Variants in ZMYM4 observed in about 807,000 individuals in gnomAD.
ZMYM4 encodes the protein zinc finger MYM-type protein 4.
ZMYM4 carries 31 observed loss-of-function variants against 183.2 expected under a neutral mutation model. The observed-to-expected ratio is 0.17, with a 90% CI of 0.13 to 0.23. The LOEUF (loss-of-function observed/expected upper bound fraction) is 0.23. Ranked by LOEUF, ZMYM4 falls within the 10% of genes least tolerant of loss-of-function variation. The probability of loss-of-function intolerance (pLI) is 1.00; values close to 1 mark genes in which losing one functional copy is unlikely to be tolerated. For missense variants in ZMYM4, 1,273 were observed against 1,840.3 expected (o/e 0.69, Z 5.64); for synonymous variants, 592 against 631.2 (o/e 0.94, Z 0.93).
chr1:35,368,282 G>T (rs1455775553), intron 5 of ZMYM4, among the ~76,000 whole-genome samples: 1 of 152,058 alleles, frequency 6.6e-6, no homozygotes, highest in Non-Finnish European at 1.5e-5. Context: ...TGGAGTAAAT[G>T]AATGTATTAT....
chr1:35,368,430 C>T (rs1470352777), intron 5 of ZMYM4, among the ~76,000 whole-genome samples: 3 of 151,984 alleles, frequency 2.0e-5, no homozygotes, highest in Admixed American at 6.6e-5. Context: ...TTTAACTTAA[C>T]GTACATATTG....
chr1:35,395,179 G>A (rs1316208110), intron 18 of ZMYM4, among the ~76,000 whole-genome samples: 2 of 150,254 alleles, frequency 1.3e-5, no homozygotes, highest in African/African-American at 5.0e-5. Flanking sequence ...AAAATAGCAA[G>A]GCTCTAAATG....
At chr1:35,285,607 A>G in intron 1 of ZMYM4, among the ~76,000 whole-genome samples, 1 of 152,250 alleles carries the variant, frequency 6.6e-6, no homozygotes, top group Non-Finnish European at 1.5e-5. Flanking sequence ...AAAATAGAGT[A>G]TAACAACTGT....
At chr1:35,379,379 G>A (rs1256768132) in intron 7 of ZMYM4, among the ~76,000 whole-genome samples, 6 of 152,188 alleles carry the variant, frequency 3.9e-5, no homozygotes, top group East Asian at 1.9e-4. Flanking sequence ...GATTACAAGC[G>A]TGAGCCACTG....
intron 1 of ZMYM4, among the ~76,000 whole-genome samples, chr1:35,305,128 G>A (rs1641475644): frequency 6.6e-6 from 1 of 152,222 alleles, no homozygotes; most frequent in Admixed American, 6.5e-5. Context: ...ACAGGCGTGA[G>A]CGACTGCGCC....
intron 15 of ZMYM4, among the ~76,000 whole-genome samples, chr1:35,391,656 TGTTGGTTTTTAA>T (rs982173405): frequency 4.6e-5 from 7 of 152,332 alleles, no homozygotes; most frequent in African/African-American, 9.6e-5. Context: ...GGATTTGCAT[TGTTGGTTTTTAA>T]GTTGGTTTTT....
intron 5 of ZMYM4, chr1:35,366,036 G>A (rs972463112): frequency 2.6e-5 from 4 of 152,278 alleles, no homozygotes; most frequent in Non-Finnish European, 2.9e-5. Context: ...ACTGCAGACC[G>A]TTAATGTATG....
At chr1:35,307,347 C>T (rs1217200266) in intron 1 of ZMYM4, among the ~76,000 whole-genome samples, 3 of 151,966 alleles carry the variant, frequency 2.0e-5, no homozygotes, top group African/African-American at 7.3e-5. Flanking sequence ...GGTATGAATG[C>T]AGTGCAAAAA....
chr1:35,337,435 A>C (rs1643021510), intron 2 of ZMYM4, among the ~76,000 whole-genome samples: 1 of 152,110 alleles, frequency 6.6e-6, no homozygotes. Flanking sequence ...TCTATTGCAA[A>C]TTTATCCTTT....
At position 35,381,828 on chromosome 1, in the gene ZMYM4, T is replaced by G. The variant is rs550305373; in HGVS notation, c.1569+70T>G. The G allele has an allele frequency of 2.6e-6, 4 of 1,556,512 alleles. No homozygotes were observed. The African/African-American group carries it at 4.1e-5, about 16-fold the overall frequency. ...AATCTGTATTTTTAGTCAGAATTATTTATGAAAATGTTGTTTTGCAATATT... is the reference window on the plus strand; with the variant it reads ...AATCTGTATTTTTAGTCAGAATTATGTATGAAAATGTTGTTTTGCAATATT... On this transcript the variant is annotated intron_variant, in intron 9 of 29. Coordinates refer to ENST00000314607, the MANE Select transcript of ZMYM4 (RefSeq NM_005095.3).
At chr1:35,271,238 A>T (rs758738491) in intron 1 of ZMYM4, among the ~76,000 whole-genome samples, 13 of 152,136 alleles carry the variant, frequency 8.5e-5, no homozygotes, top group Non-Finnish European at 1.6e-4. Context: ...GTTCTAGGAT[A>T]TTCTAGAAAA....
intron 11 of ZMYM4, among the ~76,000 whole-genome samples, chr1:35,386,683 A>G (rs1301172717): frequency 6.6e-6 from 1 of 152,174 alleles, no homozygotes; most frequent in Admixed American, 6.5e-5. Flanking sequence ...TATCATTCCT[A>G]TTAAACTTGG....
Position 35,397,502 on chromosome 1 carries a change from A to C in ZMYM4, c.3156A>C (p.Glu1052Asp). 6.2e-7 allele frequency: 1 copy of C among 1,613,388 alleles called. No individual in the cohort carries two copies. Among genetic ancestry groups the C allele is most frequent in the Non-Finnish European group, 8.5e-7 (1 of 1,179,632 alleles). ...AAGCTGATCTCCTTGAGATGGCAGAAATGATTGCAGAAGATGAAGAGAAGA... is the reference window on the plus strand; with the variant it reads ...AAGCTGATCTCCTTGAGATGGCAGACATGATTGCAGAAGATGAAGAGAAGA... The part of the protein sequence containing the change: ...PFEADLLEMA[E>D]MIAEDEEKKT... Residue 1052 changes from glutamate (E) to aspartate (D), a missense_variant, in exon 20 of 30, where the codon GAA (glutamate) becomes GAC (aspartate). Physicochemically the swap from Glu to Asp is conservative, Grantham distance 45 (BLOSUM62 2). Around this residue, in one of 6 missense-constraint regions of ZMYM4, gnomAD observed 290 missense variants for 353.3 expected, o/e 0.82. Coordinates refer to ENST00000314607, the MANE Select transcript of ZMYM4 (RefSeq NM_005095.3).
intron 1 of ZMYM4, among the ~76,000 whole-genome samples, chr1:35,291,634 C>CTTTT (rs1296107892): frequency 3.9e-5 from 5 of 129,324 alleles, no homozygotes; most frequent in East Asian, 2.3e-4. Context: ...GTGATTGTTA[C>CTTTT]TTTTTTTTTT....
chr1:35,272,413 G>A (rs1013489535), intron 1 of ZMYM4, among the ~76,000 whole-genome samples: 1 of 152,170 alleles, frequency 6.6e-6, no homozygotes, highest in Non-Finnish European at 1.5e-5. Flanking sequence ...TGGCTCTCTT[G>A]ATAAATTGTG....
chr1:35,399,402 A>G (rs965142383), intron 22 of ZMYM4, 80 bp from the exon 23 acceptor site: 21 of 1,261,948 alleles, frequency 1.7e-5, no homozygotes, highest in Non-Finnish European at 2.3e-5. Context: ...TGATTACCTG[A>G]TATTTCTTTA....
At chr1:35,291,548 C>T (rs1171415895) in intron 1 of ZMYM4, among the ~76,000 whole-genome samples, 1 of 151,798 alleles carries the variant, frequency 6.6e-6, no homozygotes, top group Non-Finnish European at 1.5e-5. Context: ...GCTCTTCCTT[C>T]AAGAACCAGC....
At chr1:35,314,308 G>A (rs1048066700) in intron 1 of ZMYM4, among the ~76,000 whole-genome samples, 1 of 150,436 alleles carries the variant, frequency 6.6e-6, no homozygotes, top group East Asian at 1.9e-4. Context: ...TTTTTGAGAC[G>A]GAGTCTTGCT....
chr1:35,393,515 C>A (rs1253554791), intron 17 of ZMYM4, 80 bp from the exon 18 acceptor site: 1 of 1,285,636 alleles, frequency 7.8e-7, no homozygotes, highest in African/African-American at 1.5e-5. Context: ...TATGACATTT[C>A]CTTTAATATT....
Sources: allele counts gnomAD v4.1 joint callset (sites outside exome capture counted in the v4.1 genomes callset), GRCh38; gene constraint gnomAD v4.1.1; regional missense constraint gnomAD v4.1.1; transcripts MANE v1.5; gene names NCBI Gene and HGNC (gene_info 2026-07-23, HGNC 2026-07-21).